The following ADCY1 variants were observed in gnomAD, a reference collection of about 807,000 sequenced individuals.
The protein encoded by ADCY1 is adenylate cyclase 1.
In ADCY1, 28 loss-of-function variants were observed where a neutral mutation model predicts 105.4. That is an observed-to-expected ratio of 0.27 (90% confidence interval 0.20 to 0.36). The LOEUF is 0.36. Among genes scored for constraint, ADCY1 ranks in the 10% least tolerant of loss-of-function variants. The pLI, the probability that ADCY1 is intolerant of heterozygous loss-of-function variation, is 1.00. For missense variants in ADCY1, 977 were observed against 1,434.2 expected (o/e 0.68, Z 5.15); for synonymous variants, 655 against 623.8 (o/e 1.05, Z -0.75).
intron 4 of ADCY1, among the ~76,000 whole-genome samples, chr7:45,628,005 C>T (rs1272816267): frequency 6.6e-6 from 1 of 152,206 alleles, no homozygotes; most frequent in Non-Finnish European, 1.5e-5. Context: ...GAGGCTGCCC[C>T]TGGCAGGCTC....
rs377011702 is a variant in ADCY1, at chr7:45,686,978, C to T, written c.2454+305C>T. Among the ~76,000 whole-genome samples the T allele has an allele frequency of 1.6e-3, 240 of 152,274 alleles. No homozygotes were observed. The highest frequency in any genetic ancestry group is 5.5e-3 in the African/African-American group (229 of 41,546). ...AGGCAGTGAGTCCCCCTTCACTGAA[C>T]AGCATGTGCAGTGGTGGTGCAGAGG... On this transcript the variant is annotated intron_variant, in intron 14 of 19. Transcript: ENST00000297323. The surrounding 1 kb of genome is among the most constrained non-coding windows in gnomAD (Gnocchi z 4.3).
Position 45,708,110 on chromosome 7 carries a change from A to AT in ADCY1, c.2818-238dup, listed in dbSNP as rs1284262921. The stretch of plus-strand genomic sequence containing the variant: ...CCACTCAAAAGGGCTGCCCTGCCCT[A>AT]TTCCTGCAGGCAGCCTTGGGTGGGC... On this transcript the variant is annotated intron_variant, in intron 17 of 19. Coordinates refer to ENST00000297323, the MANE Select transcript of ADCY1 (RefSeq NM_021116.4). The surrounding 1 kb of genome is among the most constrained non-coding windows in gnomAD (Gnocchi z 4.7). Among the ~76,000 whole-genome samples, 1 of 152,218 alleles carries AT rather than the reference A, an allele frequency of 6.6e-6. No homozygotes were observed. The highest frequency in any genetic ancestry group is 2.4e-5 in the African/African-American group (1 of 41,468).
intron 8 of ADCY1, among the ~76,000 whole-genome samples, chr7:45,666,248 T>G (rs1784253183): frequency 6.6e-6 from 1 of 152,168 alleles, no homozygotes; most frequent in Non-Finnish European, 1.5e-5. Flanking sequence ...AACTCGTCAT[T>G]TACATTAGGT....
At chr7:45,614,498 C>G (rs780473555) in intron 3 of ADCY1, among the ~76,000 whole-genome samples, 9 of 152,128 alleles carry the variant, frequency 5.9e-5, no homozygotes, top group Non-Finnish European at 1.0e-4. Context: ...AACTCCGAGA[C>G]TAATAGAATA....
At chr7:45,696,829 G>A (rs1252421020) in intron 14 of ADCY1, among the ~76,000 whole-genome samples, 4 of 152,196 alleles carry the variant, frequency 2.6e-5, no homozygotes, top group Non-Finnish European at 5.9e-5. Flanking sequence ...GGGCAGAAAT[G>A]TGCACAGGCT....
chr7:45,692,968 T>C (rs1171490484), intron 14 of ADCY1, among the ~76,000 whole-genome samples: 1 of 152,190 alleles, frequency 6.6e-6, no homozygotes, highest in Non-Finnish European at 1.5e-5. Flanking sequence ...AAGGGGTCAG[T>C]TTATCAAGAG....
At chr7:45,702,417 A>G (rs1473654194) in intron 14 of ADCY1, among the ~76,000 whole-genome samples, 2 of 152,212 alleles carry the variant, frequency 1.3e-5, no homozygotes, top group African/African-American at 4.8e-5. Flanking sequence ...CTTCCAAACC[A>G]TGGCTTGTGG....
chr7:45,628,882 CTCT>C (rs1173699517), intron 4 of ADCY1, among the ~76,000 whole-genome samples: 1 of 152,152 alleles, frequency 6.6e-6, no homozygotes, highest in Non-Finnish European at 1.5e-5. Context: ...GCATGAGGAG[CTCT>C]TCTTCCTGTT....
At chr7:45,627,049 C>A (rs1290281640) in intron 4 of ADCY1, among the ~76,000 whole-genome samples, 2 of 152,178 alleles carry the variant, frequency 1.3e-5, no homozygotes, top group African/African-American at 4.8e-5. Context: ...ACTTTAAGAG[C>A]CTTAGTTGAA....
At chr7:45,606,193 G>A (rs1213714715) in intron 2 of ADCY1, among the ~76,000 whole-genome samples, 1 of 151,924 alleles carries the variant, frequency 6.6e-6, no homozygotes, top group Non-Finnish European at 1.5e-5. Flanking sequence ...AGAGTTGGGG[G>A]ATGCTTGTTA....
chr7:45,610,775 G>A (rs887797534), intron 3 of ADCY1, among the ~76,000 whole-genome samples: 55 of 104,672 alleles, frequency 5.3e-4, no homozygotes, highest in South Asian at 1.1e-3. Flanking sequence ...TGATAGTGGA[G>A]GTGTGGGGGT....
rs1042346715 is a variant in ADCY1 at position 45,716,235 on chromosome 7, T to C, written c.*2240T>C. ...TAATGTTTATGTGGAATCTCCAGGC[T>C]GCCATCGAGGGCTCCTGAGCTCATC... On this transcript the variant is annotated 3_prime_UTR_variant, in exon 20 of 20. Transcript: ENST00000297323. The C allele has an allele frequency of 3.3e-5, 5 of 152,344 alleles. No homozygotes were observed. Among genetic ancestry groups the C allele is most frequent in the African/African-American group, 1.2e-4 (5 of 41,446 alleles). The allele number at this position is 152,344 out of a possible 1,614,324, so 9.4% of individuals were successfully genotyped here. A position where few individuals can be genotyped will look rare whatever the true frequency, so the allele number is the denominator to read the frequency against.
At chr7:45,630,855 T>C (rs1230868405) in intron 4 of ADCY1, among the ~76,000 whole-genome samples, 1 of 152,172 alleles carries the variant, frequency 6.6e-6, no homozygotes, top group Non-Finnish European at 1.5e-5. Flanking sequence ...TAAGTTTGCA[T>C]TTACAGATTC....
At chr7:45,603,531 A>G (rs1017624209) in intron 2 of ADCY1, among the ~76,000 whole-genome samples, 3 of 152,190 alleles carry the variant, frequency 2.0e-5, no homozygotes. Context: ...GTTATAAGAA[A>G]TAACACAGAG....
Position 45,629,550 on chromosome 7 carries a change from C to T in ADCY1, c.1020+6807C>T, listed in dbSNP as rs58764772. 3.7e-4 allele frequency among the ~76,000 whole-genome samples: 53 copies of T among 144,614 alleles called. 2 individuals carry two copies. In the East Asian group the frequency reaches 9.7e-3, roughly 26 times the overall value. The allele number at this position is 144,614 out of a possible 152,430, so 94.9% of individuals were successfully genotyped here. On this transcript the variant is annotated intron_variant, in intron 4 of 19. Coordinates refer to ENST00000297323, the MANE Select transcript of ADCY1 (RefSeq NM_021116.4). ...TTTTTGAGACGGAGTCTCGCTCTGT[C>T]GCCCAGGCCGGACTGCGGACTGCAG... is the stretch of plus-strand genomic sequence containing the variant.
chr7:45,677,911 T>C lies in ADCY1; in HGVS notation c.1648T>C (p.Ser550Pro), dbSNP rs1458124297. The C allele has an allele frequency of 2.5e-6, 4 of 1,614,016 alleles. No homozygotes were observed. In the South Asian group the frequency reaches 4.4e-5, roughly 18 times the overall value. ...RTASEKLRNRSSFSTNVVYTT... is the reference protein window; with the variant it reads ...RTASEKLRNRPSFSTNVVYTT... Reference sequence around the variant, plus strand: ...AGCCTCGGAAAAACTCAGAAACCGCTCATCTTTTTCTACCAACGTTGTCTA... The same window carrying C: ...AGCCTCGGAAAAACTCAGAAACCGCCCATCTTTTTCTACCAACGTTGTCTA... The change falls in exon 9 of 20, where the codon TCA (serine) becomes CCA (proline). Residue 550 changes from serine (S) to proline (P), a missense_variant. Ser to Pro is a moderately conservative substitution (Grantham distance 74). Transcript: ENST00000297323.
At chr7:45,712,670 G>A (rs1038762465) in intron 19 of ADCY1, among the ~76,000 whole-genome samples, 15 of 152,082 alleles carry the variant, frequency 9.9e-5, no homozygotes, top group African/African-American at 3.1e-4. Context: ...TTTAACAAAC[G>A]ATGCCAGGGT....
Position 45,714,797 on chromosome 7 carries a change from G to C in ADCY1, c.*802G>C, listed in dbSNP as rs921745103. 1 of 152,608 alleles carries C rather than the reference G, an allele frequency of 6.6e-6. No individual in the cohort carries two copies. The highest frequency in any genetic ancestry group is 1.5e-5 in the Non-Finnish European group (1 of 68,112). The allele number at this position is 152,608 out of a possible 1,614,324, so 9.5% of individuals were successfully genotyped here. On this transcript the variant is annotated 3_prime_UTR_variant, in exon 20 of 20. Coordinates refer to ENST00000297323, the MANE Select transcript of ADCY1 (RefSeq NM_021116.4). Reference sequence around the variant, plus strand: ...TCCACCCCTCCGCCAATGGCTTCCAGCTCCTAAAACACCTGGACATTCCCC... The same window carrying C: ...TCCACCCCTCCGCCAATGGCTTCCACCTCCTAAAACACCTGGACATTCCCC...
At position 45,703,965 on chromosome 7, in the gene ADCY1, G is replaced by T. The variant is rs1295952588; in HGVS notation, c.2718+219G>T. Among the ~76,000 whole-genome samples, 27 of 152,212 alleles carry T rather than the reference G, an allele frequency of 1.8e-4. No individual in the cohort carries two copies. The highest frequency in any genetic ancestry group is 2.9e-5 in the Non-Finnish European group (2 of 68,022). On this transcript the variant is annotated intron_variant, in intron 16 of 19. Transcript: ENST00000297323. The surrounding 1 kb of genome is among the most constrained non-coding windows in gnomAD (Gnocchi z 5.9). ...TAGGTTGGGGGACCAGGGCCACTGGGTGGGGCTGGGTGTTTGTTGTCCATG... is the reference window on the plus strand; with the variant it reads ...TAGGTTGGGGGACCAGGGCCACTGGTTGGGGCTGGGTGTTTGTTGTCCATG...
Sources: gnomAD v4.1 joint callset for allele counts (sites outside exome capture counted in the v4.1 genomes callset) on GRCh38, gnomAD v4.1.1 for gene constraint, Gnocchi (gnomAD v3.1) non-coding constraint, MANE v1.5 for transcripts, NCBI Gene and HGNC (gene_info 2026-07-23, HGNC 2026-07-21) for gene names.